Variants in HNF4G observed in about 807,000 individuals in gnomAD.
The protein encoded by HNF4G is hepatocyte nuclear factor 4-gamma.
HNF4G carries 21 observed loss-of-function variants against 50.9 expected under a neutral mutation model. The observed-to-expected ratio is 0.41, with a 90% CI of 0.29 to 0.59. The LOEUF is 0.59. HNF4G is among the 20% of genes least tolerant of loss of function. HNF4G has a pLI of 0.26. For missense variants in HNF4G, 527 were observed against 559.4 expected, an observed-to-expected ratio of 0.94 and a Z score of 0.58; for synonymous variants, 198 against 185.6, an observed-to-expected ratio of 1.07 and a Z score of -0.54.
At chr8:75,449,724 G>A (rs564775843) in intron 1 of HNF4G, among the ~76,000 whole-genome samples, 28 of 151,916 alleles carry the variant, frequency 1.8e-4, no homozygotes, top group African/African-American at 4.6e-4. Context: ...AGCCCGGATG[G>A]TCTCGATCTC....
intron 2 of HNF4G, among the ~76,000 whole-genome samples, chr8:75,545,670 C>T (rs1806755887): frequency 6.6e-6 from 1 of 151,976 alleles, no homozygotes; most frequent in Admixed American, 6.6e-5. Context: ...GTTGGGATTT[C>T]CTTCAAAAGC....
intron 2 of HNF4G, among the ~76,000 whole-genome samples, chr8:75,529,531 A>C (rs1806274138): frequency 1.3e-5 from 2 of 152,136 alleles, no homozygotes; most frequent in African/African-American, 2.4e-5. Flanking sequence ...AGCCTAGGAG[A>C]CAGAGGGTGA....
chr8:75,482,665 G>A (rs956344949), intron 1 of HNF4G, among the ~76,000 whole-genome samples: 1 of 152,214 alleles, frequency 6.6e-6, no homozygotes, highest in African/African-American at 2.4e-5. Context: ...ACCGCCCCCC[G>A]GCTGGTTTTT....
Position 75,566,193 on chromosome 8 carries a change from T to C in HNF4G, c.*2097T>C, listed in dbSNP as rs1358490677. On this transcript the variant is annotated 3_prime_UTR_variant, in exon 10 of 10. Transcript: ENST00000396423. ...ACAAATTAGGCCTCTGGATCATACA[T>C]GGCATTTTCTAGCTGTGTCCTTATA... 2.0e-5 allele frequency: 3 copies of C among 152,130 alleles called. No homozygotes were observed. Among genetic ancestry groups the C allele is most frequent in the Non-Finnish European group, 2.9e-5 (2 of 68,012 alleles). The allele number at this position is 152,130 out of a possible 1,614,324, so 9.4% of individuals were successfully genotyped here. A position where few individuals can be genotyped will look rare whatever the true frequency, so the allele number is the denominator to read the frequency against.
chr8:75,524,402 A>G (rs952571298), intron 2 of HNF4G, among the ~76,000 whole-genome samples: 1 of 152,182 alleles, frequency 6.6e-6, no homozygotes, highest in African/African-American at 2.4e-5. Context: ...CAAAGACTCA[A>G]GAAATCACAT....
At chr8:75,454,139 A>C (rs776455650) in intron 1 of HNF4G, among the ~76,000 whole-genome samples, 116 of 138,976 alleles carry the variant, frequency 8.3e-4, no homozygotes, top group Non-Finnish European at 1.6e-3. Context: ...CCCACTCCAC[A>C]TACAGAGAAA....
At chr8:75,540,168 T>C in intron 1 of HNF4G, 88 bp downstream of exon 1, 1 of 753,116 alleles carries the variant, frequency 1.3e-6, no homozygotes, top group South Asian at 1.6e-5. Context: ...GGTGGCTCAA[T>C]GTTTTTTTTG....
At chr8:75,540,720 T>C (rs1172345020) in intron 1 of HNF4G, among the ~76,000 whole-genome samples, 7 of 152,114 alleles carry the variant, frequency 4.6e-5, no homozygotes, top group Non-Finnish European at 1.0e-4. Context: ...GGGTAGTGTC[T>C]TTATGTAATA....
intron 2 of HNF4G, among the ~76,000 whole-genome samples, chr8:75,520,373 A>G (rs1806006709): frequency 1.3e-5 from 2 of 151,926 alleles, no homozygotes; most frequent in South Asian, 2.1e-4. Context: ...ATATGTCTAT[A>G]TTACTTTGTA....
At chr8:75,431,431 C>T (rs1811012236) in intron 1 of HNF4G, among the ~76,000 whole-genome samples, 1 of 151,706 alleles carries the variant, frequency 6.6e-6, no homozygotes, top group South Asian at 2.1e-4. Context: ...GAACATTGAT[C>T]GAGATTTTAA....
chr8:75,454,491 A>G (rs1022252388), intron 1 of HNF4G, among the ~76,000 whole-genome samples: 3 of 152,152 alleles, frequency 2.0e-5, no homozygotes, highest in African/African-American at 4.8e-5. Context: ...ACAGTAGTCC[A>G]CTTGTTGCCT....
At chr8:75,424,973 C>T (rs1031309986) in intron 1 of HNF4G, among the ~76,000 whole-genome samples, 13 of 152,206 alleles carry the variant, frequency 8.5e-5, no homozygotes, top group African/African-American at 2.9e-4. Flanking sequence ...CTCCAAACTG[C>T]CTTCCACAGT....
rs759216473 is a variant in HNF4G, at chr8:75,558,884, C to T, written c.970C>T (p.Arg324Trp). 1.2e-6 allele frequency: 2 copies of T among 1,613,948 alleles called. No individual in the cohort carries two copies. Among genetic ancestry groups the T allele is most frequent in the South Asian group, 1.1e-5 (1 of 91,082 alleles). The change falls in exon 8 of 10, where the codon CGG becomes TGG. Residue 324 changes from arginine (R) to tryptophan (W), a missense_variant. This residue lies in a region of HNF4G where 308 missense variants were observed against 301.5 expected (regional missense o/e 1.02). Coordinates refer to ENST00000396423, the MANE Select transcript of HNF4G (RefSeq NM_004133.5). ...QIGLEDYIND[R>W]QYDSRGRFGE... The stretch of plus-strand genomic sequence containing the variant: ...CGGTTTGGAGGACTACATCAATGAT[C>T]GGCAGTATGACTCCCGGGGGAGGTT...
intron 2 of HNF4G, among the ~76,000 whole-genome samples, chr8:75,515,779 T>C (rs1057162247): frequency 6.6e-6 from 1 of 151,974 alleles, no homozygotes; most frequent in Non-Finnish European, 1.5e-5. Flanking sequence ...TGTTTTTTTT[T>C]TTTGAGATGG....
intron 1 of HNF4G, among the ~76,000 whole-genome samples, chr8:75,462,235 T>C (rs1223526535): frequency 6.6e-6 from 1 of 152,194 alleles, no homozygotes; most frequent in Non-Finnish European, 1.5e-5. Context: ...CTTACTGTAC[T>C]TTATTCACCC....
At chr8:75,446,704 C>A (rs1271709576) in intron 1 of HNF4G, among the ~76,000 whole-genome samples, 7 of 87,458 alleles carry the variant, frequency 8.0e-5, no homozygotes, top group South Asian at 3.7e-4. Context: ...GAATAAAATA[C>A]CTAGGAATCC....
chr8:75,477,529 A>G (rs115703949), intron 1 of HNF4G, among the ~76,000 whole-genome samples: 7,622 of 152,128 alleles, frequency 0.05, 276 homozygotes, highest in African/African-American at 0.091. Context: ...AGAACTACCT[A>G]TTTTCTGAAT....
At chr8:75,441,367 T>C (rs2130547326) in intron 1 of HNF4G, among the ~76,000 whole-genome samples, 1 of 152,054 alleles carries the variant, frequency 6.6e-6, no homozygotes, top group Non-Finnish European at 1.5e-5. Flanking sequence ...CACCTTAGCC[T>C]CCTGAGCAGC....
At chr8:75,491,794 T>C (rs1345491150) in intron 2 of HNF4G, among the ~76,000 whole-genome samples, 1 of 152,158 alleles carries the variant, frequency 6.6e-6, no homozygotes, top group Non-Finnish European at 1.5e-5. Flanking sequence ...GTAATTCTCA[T>C]TGAAATGGGA....
Sources: gnomAD v4.1 joint callset for allele counts (sites outside exome capture counted in the v4.1 genomes callset) on GRCh38, gnomAD v4.1.1 for gene constraint, gnomAD v4.1.1 regional missense constraint, MANE v1.5 for transcripts, NCBI Gene and HGNC (gene_info 2026-07-23, HGNC 2026-07-21) for gene names.